The following FANCA variants were observed in gnomAD, a reference collection of about 807,000 sequenced individuals.
FANCA encodes Fanconi anemia group A protein.
Under a neutral mutation model 194.3 loss-of-function variants are expected in FANCA, and 236 were observed. The ratio of observed to expected loss-of-function variants is 1.21; its 90% CI spans 1.09 to 1.35. FANCA has a LOEUF of 1.35. FANCA is among the 40% of genes most tolerant of loss of function. FANCA has a pLI of 0.00. For synonymous variants in FANCA, 1,014 were observed against 715.8 expected (o/e 1.42, Z -6.65); for missense variants, 2,628 against 1,813.9 (o/e 1.45, Z -8.15).
At chr16:89,799,945 G>C (rs2143588617) in intron 8 of FANCA, among the ~76,000 whole-genome samples, 1 of 152,338 alleles carries the variant, frequency 6.6e-6, no homozygotes, top group South Asian at 2.1e-4. Flanking sequence ...AGTGAGCTGA[G>C]ATAGTGCCAC....
At chr16:89,748,596 G>A in intron 33 of FANCA, 63 bp downstream of exon 33, 1 of 1,271,194 alleles carries the variant, frequency 7.9e-7, no homozygotes, top group Non-Finnish European at 1.1e-6. Flanking sequence ...GAGGCTGCAA[G>A]AGCTGCTGTT....
intron 3 of FANCA, among the ~76,000 whole-genome samples, chr16:89,812,413 G>A (rs1189941402): frequency 5.3e-5 from 8 of 151,916 alleles, no homozygotes; most frequent in African/African-American, 1.2e-4. Context: ...TTGGGAGGCC[G>A]AGGCGGGTGG....
chr16:89,773,759 C>A (rs980372004), intron 21 of FANCA, among the ~76,000 whole-genome samples: 4 of 151,474 alleles, frequency 2.6e-5, no homozygotes, highest in African/African-American at 7.3e-5. Context: ...CATTTAGTCC[C>A]CTGGTTCCTC....
In FANCA at chr16:89,739,107, G is replaced by A. The variant is rs200304203; in HGVS notation, c.4167+26C>T. On this transcript the variant is annotated intron_variant, in intron 41 of 42. Coordinates refer to ENST00000389301, the MANE Select transcript of FANCA (RefSeq NM_000135.4). Reference sequence around the variant, plus strand: ...CCTCCGGCTGGGGGGAGCTCCCCTGGAGGTGGGACTGGCCCTTGCACCTGC... The same window carrying A: ...CCTCCGGCTGGGGGGAGCTCCCCTGAAGGTGGGACTGGCCCTTGCACCTGC... 9 of 1,613,996 alleles carry A rather than the reference G, an allele frequency of 5.6e-6. No homozygotes were observed. In the African/African-American group the frequency reaches 1.1e-4, roughly 19 times the overall value.
At chr16:89,772,344 C>A (rs1463925371) in intron 22 of FANCA, among the ~76,000 whole-genome samples, 1 of 152,244 alleles carries the variant, frequency 6.6e-6, no homozygotes, top group Non-Finnish European at 1.5e-5. Context: ...GAAGGCTGCA[C>A]TCAGGAACTG....
At chr16:89,798,522 T>C in intron 10 of FANCA, 2 of 1,104,496 alleles carry the variant, frequency 1.8e-6, no homozygotes, top group Non-Finnish European at 2.2e-6. Context: ...TCTACTGGTT[T>C]CTCAAGACTT....
Position 89,758,049 on chromosome 16 carries a change from G to A in FANCA, c.2981+528C>T, listed in dbSNP as rs1282073753. ...TTTTGTATTTTTAGTAGAGAGGGAG[G>A]TTTCACCATGTAGGCCAGGCTGGTC... On this transcript the variant is annotated intron_variant, in intron 30 of 42. Transcript: ENST00000389301. Among the ~76,000 whole-genome samples, 3 of 152,048 alleles carry A rather than the reference G, an allele frequency of 2.0e-5. 1 individual carries two copies. The highest frequency in any genetic ancestry group is 7.2e-5 in the African/African-American group (3 of 41,470).
At chr16:89,779,150 G>C in intron 18 of FANCA, 147 bp from the exon 19 acceptor site, 1 of 801,876 alleles carries the variant, frequency 1.2e-6, no homozygotes, top group East Asian at 2.7e-5. Flanking sequence ...CACAGTTCCG[G>C]GACAAGGCAT....
At chr16:89,803,717 G>C (rs1287161992) in intron 7 of FANCA, among the ~76,000 whole-genome samples, 1 of 150,994 alleles carries the variant, frequency 6.6e-6, no homozygotes. Flanking sequence ...CCGCCTCCCA[G>C]GTTCAAGCAA....
chr16:89,746,768 G>T, intron 34 of FANCA, 63 bp downstream of exon 34: 1 of 1,591,530 alleles, frequency 6.3e-7, no homozygotes, highest in South Asian at 1.1e-5. Flanking sequence ...ACAGGAAGCT[G>T]ACAGGAGGAT....
chr16:89,816,287 G>A (rs1309901532), intron 1 of FANCA: 4 of 255,804 alleles, frequency 1.6e-5, no homozygotes, highest in Admixed American at 5.6e-5. Flanking sequence ...CAGGGCGGCC[G>A]GCGGGGGCGG....
rs144570744 is a variant in FANCA at position 89,769,921 on chromosome 16, G to A, written c.2420C>T (p.Ala807Val). 25 of 1,613,954 alleles carry A rather than the reference G, an allele frequency of 1.5e-5. No individual in the cohort carries two copies. The highest frequency in any genetic ancestry group is 2.1e-5 in the Non-Finnish European group (25 of 1,179,994). ...ALPEVDVGPPAPGAGLPVPAL... is the reference protein window; with the variant it reads ...ALPEVDVGPPVPGAGLPVPAL... Reference sequence around the variant, plus strand: ...AGGGACAGGAAGGCCAGCACCAGGTGCAGGAGGACCCACATCCACCTCTGG... The same window carrying A: ...AGGGACAGGAAGGCCAGCACCAGGTACAGGAGGACCCACATCCACCTCTGG... Residue 807 changes from alanine to valine, a missense_variant, in exon 26 of 43, where the codon GCA (alanine) becomes GTA (valine). Physicochemically the swap from Ala to Val is moderately conservative, Grantham distance 64. Coordinates refer to ENST00000389301, the MANE Select transcript of FANCA (RefSeq NM_000135.4).
At chr16:89,815,834 C>T (rs776380519) in intron 2 of FANCA, 43 bp downstream of exon 2, 2 of 1,488,656 alleles carry the variant, frequency 1.3e-6, no homozygotes, top group African/African-American at 1.4e-5. Flanking sequence ...TCAAAAACCC[C>T]GAACCTAAAT....
At chr16:89,740,584 TGAG>T in intron 38 of FANCA, 1 of 567,306 alleles carries the variant, frequency 1.8e-6, no homozygotes, top group Non-Finnish European at 3.1e-6. Flanking sequence ...TGCAGTGAGC[TGAG>T]ATCACACCAC....
intron 18 of FANCA, 66 bp from the exon 19 acceptor site, chr16:89,779,069 G>T: frequency 1.3e-6 from 2 of 1,505,516 alleles, no homozygotes; most frequent in South Asian, 2.3e-5. Context: ...CACAGACGGT[G>T]ACCGGTGTTT....
At chr16:89,747,380 G>A (rs2038426910) in intron 33 of FANCA, among the ~76,000 whole-genome samples, 2 of 152,192 alleles carry the variant, frequency 1.3e-5, no homozygotes, top group South Asian at 4.1e-4. Context: ...GCTTTTGCTA[G>A]TCTCACGTCC....
At chr16:89,761,740 C>G (rs1303309552) in intron 29 of FANCA, among the ~76,000 whole-genome samples, 3 of 152,158 alleles carry the variant, frequency 2.0e-5, no homozygotes, top group Admixed American at 6.6e-5. Context: ...TGCTCCTGCT[C>G]AGCTTCCCAA....
chr16:89,790,600 A>G (rs11640316), intron 14 of FANCA, among the ~76,000 whole-genome samples: 111,381 of 151,332 alleles, frequency 0.74, 42,845 homozygotes, highest in East Asian at 1. Context: ...ATGGTAGTGC[A>G]CACCTGTAAT....
chr16:89,789,511 G>A (rs1193820658), intron 14 of FANCA, among the ~76,000 whole-genome samples: 1 of 141,538 alleles, frequency 7.1e-6, no homozygotes, highest in Admixed American at 7.7e-5. Flanking sequence ...TGCAATCCCA[G>A]CTCAATGCAG....
Sources: allele counts gnomAD v4.1 joint callset (sites outside exome capture counted in the v4.1 genomes callset), GRCh38; gene constraint gnomAD v4.1.1; transcripts MANE v1.5; gene names NCBI Gene and HGNC (gene_info 2026-07-23, HGNC 2026-07-21).